CCM2: variants seen among roughly 807,000 people sequenced by gnomAD.
The protein encoded by CCM2 is CCM2 scaffold protein.
CCM2 carries 25 observed loss-of-function variants against 44.9 expected under a neutral mutation model. The observed-to-expected ratio is 0.56, with a 90% CI of 0.41 to 0.78. The LOEUF (loss-of-function observed/expected upper bound fraction) is 0.78, where lower values mean the gene tolerates loss of function less well. Among genes scored for constraint, CCM2 ranks in the 30% least tolerant of loss-of-function variants. The probability of loss-of-function intolerance (pLI) is 0.00; values close to 1 mark genes in which losing one functional copy is unlikely to be tolerated. For synonymous variants in CCM2, 219 were observed against 241.1 expected (o/e 0.91, Z 0.85); for missense variants, 481 against 580.6 (o/e 0.83, Z 1.76).
At chr7:45,070,629 T>C in intron 6 of CCM2, 1 of 324,378 alleles carries the variant, frequency 3.1e-6, no homozygotes, top group South Asian at 2.3e-5. Context: ...TGAGGATTAA[T>C]GGGTTATATA....
At chr7:45,027,998 G>T (rs1011241418) in intron 1 of CCM2, among the ~76,000 whole-genome samples, 1 of 152,168 alleles carries the variant, frequency 6.6e-6, no homozygotes, top group Non-Finnish European at 1.5e-5. Flanking sequence ...GTGGCAAGGG[G>T]CGTGTATGGA....
intron 1 of CCM2, among the ~76,000 whole-genome samples, chr7:45,006,557 G>A (rs1028567912): frequency 1.3e-5 from 2 of 152,058 alleles, no homozygotes; most frequent in Admixed American, 1.3e-4. Context: ...TATTAGCCAG[G>A]ATGGTCTCAA....
chr7:45,071,709 G>T, intron 6 of CCM2: 1 of 454,968 alleles, frequency 2.2e-6, no homozygotes, highest in Non-Finnish European at 4.4e-6. Flanking sequence ...CCTAAAGGCG[G>T]CTGCATGCCT....
At chr7:45,052,514 G>A (rs1798060978) in intron 2 of CCM2, among the ~76,000 whole-genome samples, 1 of 152,224 alleles carries the variant, frequency 6.6e-6, no homozygotes, top group East Asian at 1.9e-4. Flanking sequence ...TGTTCCTGCA[G>A]CTGGCACTGT....
At chr7:45,053,893 C>G (rs559091974) in intron 2 of CCM2, among the ~76,000 whole-genome samples, 1 of 152,324 alleles carries the variant, frequency 6.6e-6, no homozygotes, top group South Asian at 2.1e-4. Flanking sequence ...CCTGGATCCA[C>G]TTTGCCACAG....
intron 1 of CCM2, among the ~76,000 whole-genome samples, chr7:45,021,571 A>T (rs111740871): frequency 0.048 from 7,343 of 151,638 alleles, 356 homozygotes; most frequent in African/African-American, 0.13. Context: ...CTCAAAAAAA[A>T]AAAATAAAAT....
intron 2 of CCM2, among the ~76,000 whole-genome samples, chr7:45,059,704 C>T (rs2128744958): frequency 6.6e-6 from 1 of 152,038 alleles, no homozygotes; most frequent in East Asian, 1.9e-4. Context: ...TGCCACTGCA[C>T]TCCAGCCTGG....
chr7:45,008,659 G>T (rs1359589341), intron 1 of CCM2, among the ~76,000 whole-genome samples: 1 of 152,134 alleles, frequency 6.6e-6, no homozygotes, highest in East Asian at 1.9e-4. Context: ...ACCGCACCCG[G>T]CCAAGGGTAC....
intron 1 of CCM2, among the ~76,000 whole-genome samples, chr7:45,028,788 T>TA (rs930299508): frequency 0.012 from 1,646 of 142,166 alleles, 16 homozygotes; most frequent in Middle Eastern, 0.018. Context: ...CCAAAGCACT[T>TA]AAAAAAAAAA....
chr7:45,073,318 C>T, intron 7 of CCM2, 142 bp from the exon 8 acceptor site: 13 of 679,852 alleles, frequency 1.9e-5, no homozygotes, highest in South Asian at 1.8e-4. Context: ...AGTCAGCTCT[C>T]CTCTCATCAT....
Position 45,073,555 on chromosome 7 carries a change from A to G in CCM2, c.899A>G (p.Gln300Arg), listed in dbSNP as rs1272636041. ...ELSASATELL[Q>R]DYMLTLRTKL... Reference sequence around the variant, plus strand: ...AGCGCCAGCGCCACTGAGCTGCTGCAGGACTACATGCTGACGGTAGGCCTC... The same window carrying G: ...AGCGCCAGCGCCACTGAGCTGCTGCGGGACTACATGCTGACGGTAGGCCTC... Residue 300 changes from glutamine to arginine, a missense_variant, in exon 8 of 10, where the codon CAG (glutamine) becomes CGG (arginine). Gln to Arg is a conservative substitution (Grantham distance 43). Coordinates refer to ENST00000258781, the MANE Select transcript of CCM2 (RefSeq NM_031443.4). 1 of 1,610,972 alleles carries G rather than the reference A, an allele frequency of 6.2e-7. No homozygotes were observed. The highest frequency in any genetic ancestry group is 8.5e-7 in the Non-Finnish European group (1 of 1,178,912).
intron 7 of CCM2, 173 bp from the exon 8 acceptor site, chr7:45,073,287 A>C (rs760728489): frequency 2.0e-5 from 13 of 643,154 alleles, no homozygotes; most frequent in Middle Eastern, 3.8e-4. Context: ...GACCAGGCCA[A>C]GCTGACCACC....
intron 1 of CCM2, 29 bp from the exon 2 acceptor site, chr7:45,038,224 A>G (rs923755433): frequency 6.2e-7 from 1 of 1,612,808 alleles, no homozygotes; most frequent in Non-Finnish European, 8.5e-7. Flanking sequence ...TAAATAATGA[A>G]CTCCAATCAT....
At chr7:45,012,421 A>T (rs1322165312) in intron 1 of CCM2, among the ~76,000 whole-genome samples, 1 of 152,150 alleles carries the variant, frequency 6.6e-6, no homozygotes, top group Non-Finnish European at 1.5e-5. Flanking sequence ...GGTGTGAGCC[A>T]CTGCTCCCAG....
chr7:45,056,086 CAATG>C (rs1179184377), intron 2 of CCM2, among the ~76,000 whole-genome samples: 1 of 138,674 alleles, frequency 7.2e-6, no homozygotes, highest in East Asian at 2.1e-4. Context: ...ATTTATCTGT[CAATG>C]AACATTTGAG....
At chr7:45,019,059 C>CT (rs34045609) in intron 1 of CCM2, among the ~76,000 whole-genome samples, 2,076 of 93,236 alleles carry the variant, frequency 0.022, 75 homozygotes, top group African/African-American at 0.046. Context: ...TGCGCCTGGC[C>CT]TTTTTTTTTT....
intron 1 of CCM2, among the ~76,000 whole-genome samples, chr7:45,019,272 A>G (rs1796389364): frequency 6.6e-6 from 1 of 151,866 alleles, no homozygotes; most frequent in Non-Finnish European, 1.5e-5. Flanking sequence ...ATGGAATCTC[A>G]GTATGTTGCT....
chr7:45,069,777 G>A (rs1209693481), intron 5 of CCM2, 49 bp from the exon 6 acceptor site: 2 of 1,612,030 alleles, frequency 1.2e-6, no homozygotes, highest in African/African-American at 1.3e-5. Context: ...GCCTGGGAAG[G>A]CGCAGTCTCC....
At chr7:45,033,477 G>A (rs1403088679) in intron 1 of CCM2, among the ~76,000 whole-genome samples, 2 of 152,186 alleles carry the variant, frequency 1.3e-5, no homozygotes, top group South Asian at 2.1e-4. Context: ...TTGGCTAACA[G>A]GCAGCTTTCA....
Sources: allele counts gnomAD v4.1 joint callset (sites outside exome capture counted in the v4.1 genomes callset), GRCh38; gene constraint gnomAD v4.1.1; transcripts MANE v1.5; gene names NCBI Gene and HGNC (gene_info 2026-07-23, HGNC 2026-07-21).